Variants in CIMIP7 observed in about 807,000 individuals in gnomAD.
The protein encoded by CIMIP7 is ciliary microtubule inner protein 7.
chr3:49,184,298 T>C, the CIMIP7 span, among the ~76,000 whole-genome samples: 1 of 152,116 alleles, frequency 6.6e-6, no homozygotes, highest in African/African-American at 2.4e-5. Context: ...TGTGCCCAGC[T>C]TTATATAACA....
chr3:49,178,640 C>A, the CIMIP7 span: 1 of 936,498 alleles, frequency 1.1e-6, no homozygotes, highest in Admixed American at 2.0e-5. Context: ...GGGAAGTCAC[C>A]AGGAGCCACT....
At chr3:49,180,547 T>C in the CIMIP7 span, among the ~76,000 whole-genome samples, 1 of 152,188 alleles carries the variant, frequency 6.6e-6, no homozygotes, top group African/African-American at 2.4e-5. Flanking sequence ...AGGTAATGGC[T>C]GACAGCAGGT....
chr3:49,184,895 C>T, the CIMIP7 span, among the ~76,000 whole-genome samples: 2 of 151,850 alleles, frequency 1.3e-5, no homozygotes, highest in African/African-American at 4.8e-5. Flanking sequence ...CTCCCAAGTG[C>T]TGGGATTACA....
At chr3:49,178,656 T>C in the CIMIP7 span, 1 of 771,310 alleles carries the variant, frequency 1.3e-6, no homozygotes, top group Non-Finnish European at 2.2e-6. Flanking sequence ...CCACTGCCCC[T>C]AAGCTGCTAA....
At chr3:49,191,128 C>G in the CIMIP7 span, among the ~76,000 whole-genome samples, 1 of 152,164 alleles carries the variant, frequency 6.6e-6, no homozygotes, top group Admixed American at 6.5e-5. Flanking sequence ...TGAGTTCTCC[C>G]TGGAGACGAT....
the CIMIP7 span, among the ~76,000 whole-genome samples, chr3:49,179,464 G>A: frequency 6.6e-6 from 1 of 152,272 alleles, no homozygotes; most frequent in South Asian, 2.1e-4. Context: ...AGTCATCATA[G>A]TGGTCTGTGA....
chr3:49,182,615 G>A, the CIMIP7 span, among the ~76,000 whole-genome samples: 113 of 152,340 alleles, frequency 7.4e-4, no homozygotes, highest in Middle Eastern at 6.8e-3. Context: ...AGTGGATCCC[G>A]CACTGGGGCT....
chr3:49,184,334 T>G, the CIMIP7 span, among the ~76,000 whole-genome samples: 769 of 151,630 alleles, frequency 5.1e-3, 8 homozygotes, highest in African/African-American at 0.018. Flanking sequence ...ATTTAATTTA[T>G]TTTTTTGAGA....
the CIMIP7 span, among the ~76,000 whole-genome samples, chr3:49,184,264 G>A: frequency 1.3e-5 from 2 of 152,194 alleles, no homozygotes; most frequent in African/African-American, 4.8e-5. Flanking sequence ...CTCCCAAAGT[G>A]CTGGGATTAG....
chr3:49,185,554 G>A, the CIMIP7 span, among the ~76,000 whole-genome samples: 16 of 152,060 alleles, frequency 1.1e-4, no homozygotes, highest in Middle Eastern at 3.4e-3. Context: ...CAACAAGAGC[G>A]GAACTCCAAA....
chr3:49,185,383 G>A, the CIMIP7 span, among the ~76,000 whole-genome samples: 1 of 151,374 alleles, frequency 6.6e-6, no homozygotes, highest in Non-Finnish European at 1.5e-5. Flanking sequence ...AGGGAAATAT[G>A]GTGAAACCCT....
chr3:49,188,832 C>T, the CIMIP7 span, among the ~76,000 whole-genome samples: 191 of 152,268 alleles, frequency 1.3e-3, 2 homozygotes, highest in South Asian at 0.017. Context: ...GAGTCTCACT[C>T]TGTCACCCAG....
chr3:49,178,086 C>G, the CIMIP7 span: 1 of 1,534,572 alleles, frequency 6.5e-7, no homozygotes, highest in Non-Finnish European at 8.7e-7. Context: ...GCCCACATTC[C>G]TGGCACCAAG....
At chr3:49,181,737 G>T in the CIMIP7 span, among the ~76,000 whole-genome samples, 1 of 152,170 alleles carries the variant, frequency 6.6e-6, no homozygotes, top group Non-Finnish European at 1.5e-5. Flanking sequence ...ATTAGAAAAT[G>T]GACAAACATG....
chr3:49,177,713 T>A, the CIMIP7 span: 1 of 1,610,288 alleles, frequency 6.2e-7, no homozygotes, highest in Non-Finnish European at 8.5e-7. Flanking sequence ...TGCAGCAGCT[T>A]GGGTCTTGGG....
the CIMIP7 span, among the ~76,000 whole-genome samples, chr3:49,182,140 G>A: frequency 4.5e-4 from 69 of 152,326 alleles, no homozygotes; most frequent in African/African-American, 1.6e-3. Context: ...CAAAGAGTGA[G>A]CAGCAGCAAG....
the CIMIP7 span, among the ~76,000 whole-genome samples, chr3:49,183,894 A>G: frequency 1.3e-5 from 2 of 152,384 alleles, no homozygotes; most frequent in Non-Finnish European, 2.9e-5. Context: ...TACTCAGTAA[A>G]TGAAAATAAA....
At chr3:49,190,241 C>T in the CIMIP7 span, 1 of 729,106 alleles carries the variant, frequency 1.4e-6, no homozygotes, top group Non-Finnish European at 2.3e-6. Context: ...AGACCAGAAG[C>T]CCCTCATGGA....
chr3:49,190,201 A>C, the CIMIP7 span: 4 of 1,233,336 alleles, frequency 3.2e-6, no homozygotes, highest in Non-Finnish European at 4.6e-6. Flanking sequence ...CCTAGACCTC[A>C]GGGCCCCAAC....
Sources: gnomAD v4.1 joint callset for allele counts (sites outside exome capture counted in the v4.1 genomes callset) on GRCh38, gnomAD v4.1.1 for gene constraint, MANE v1.5 for transcripts, NCBI Gene and HGNC (gene_info 2026-07-23, HGNC 2026-07-21) for gene names.